RAD18: variants seen among roughly 807,000 people sequenced by gnomAD.
The protein encoded by RAD18 is E3 ubiquitin-protein ligase RAD18.
In RAD18, 47 loss-of-function variants were observed where a neutral mutation model predicts 60.4. The observed-to-expected ratio is 0.78, with a 90% confidence interval of 0.62 to 0.99. The LOEUF is 0.99. Among genes scored for constraint, RAD18 ranks in the 50% least tolerant of loss-of-function variants. RAD18 has a pLI of 0.00. For synonymous variants in RAD18, 225 were observed against 195.5 expected (o/e 1.15, Z -1.26); for missense variants, 640 against 593.3 (o/e 1.08, Z -0.82).
intron 4 of RAD18, among the ~76,000 whole-genome samples, chr3:8,945,705 C>T (rs1386124402): frequency 6.6e-6 from 1 of 151,858 alleles, no homozygotes; most frequent in African/African-American, 2.4e-5. Context: ...CTCCTGACCT[C>T]GTGATCCACC....
intron 7 of RAD18, among the ~76,000 whole-genome samples, chr3:8,927,938 A>G (rs1940472268): frequency 6.6e-6 from 1 of 151,850 alleles, no homozygotes; most frequent in African/African-American, 2.4e-5. Flanking sequence ...GAGGGATAGC[A>G]TTAGGAGATA....
At chr3:8,920,278 C>CAAAAA (rs60504682) in intron 7 of RAD18, among the ~76,000 whole-genome samples, 47 of 69,932 alleles carry the variant, frequency 6.7e-4, no homozygotes, top group African/African-American at 1.7e-3. Flanking sequence ...GACTCCGTCT[C>CAAAAA]AAAAAAAAAA....
Position 8,880,735 on chromosome 3 carries a change from G to A in RAD18, c.*622C>T, listed in dbSNP as rs1250431629. On this transcript the variant is annotated 3_prime_UTR_variant, in exon 13 of 13. Transcript: ENST00000264926. ...TGTTTCTAAGTTATTGTGACTTTGT[G>A]ACTGTCGTAGCTTTAAATTATAATA... 6.6e-6 allele frequency: 1 copy of A among 152,178 alleles called. No homozygotes were observed. The highest frequency in any genetic ancestry group is 1.5e-5 in the Non-Finnish European group (1 of 68,048). 9.4% of individuals were successfully genotyped at this position (152,178 alleles called of 1,614,324 possible).
intron 7 of RAD18, among the ~76,000 whole-genome samples, chr3:8,922,489 G>T (rs1412739761): frequency 6.6e-6 from 1 of 152,234 alleles, no homozygotes; most frequent in Non-Finnish European, 1.5e-5. Flanking sequence ...CACCTCTGGG[G>T]GCAGGGCATA....
chr3:8,904,447 A>G (rs1209470038), intron 9 of RAD18, among the ~76,000 whole-genome samples: 1 of 152,226 alleles, frequency 6.6e-6, no homozygotes, highest in African/African-American at 2.4e-5. Flanking sequence ...TGTATGGTAC[A>G]TGTATGAAAA....
intron 9 of RAD18, among the ~76,000 whole-genome samples, chr3:8,910,279 TAAAC>T (rs1446234133): frequency 6.6e-6 from 1 of 152,188 alleles, no homozygotes; most frequent in Non-Finnish European, 1.5e-5. Context: ...GGTAAATAGT[TAAAC>T]AAACAAAAGA....
intron 7 of RAD18, among the ~76,000 whole-genome samples, chr3:8,923,278 A>T (rs1940363695): frequency 6.6e-6 from 1 of 152,250 alleles, no homozygotes; most frequent in Non-Finnish European, 1.5e-5. Context: ...CACAAGCCTC[A>T]GTAGCCGATT....
At position 8,951,015 on chromosome 3, in the gene RAD18, T is replaced by C. The variant is rs189681123; in HGVS notation, c.134-2445A>G. Among the ~76,000 whole-genome samples, 5 of 152,078 alleles carry C rather than the reference T, an allele frequency of 3.3e-5. No homozygotes were observed. The East Asian group carries it at 9.7e-4, about 29-fold the overall frequency. On this transcript the variant is annotated intron_variant, in intron 2 of 12. Transcript: ENST00000264926. ...AAAATGGAATAGAATAACCAAGAAC[T>C]GCAGGATGACTACAAAAGATGTAAC...
chr3:8,919,792 G>C (rs1435049608), intron 7 of RAD18, among the ~76,000 whole-genome samples: 1 of 152,170 alleles, frequency 6.6e-6, no homozygotes. Flanking sequence ...GGAAGAGCAA[G>C]AAAAGTCTGC....
At chr3:8,960,909 C>G (rs1044131791) in intron 1 of RAD18, among the ~76,000 whole-genome samples, 2 of 152,048 alleles carry the variant, frequency 1.3e-5, no homozygotes, top group Non-Finnish European at 2.9e-5. Context: ...ATTACATTTA[C>G]AATATGCCAA....
intron 7 of RAD18, among the ~76,000 whole-genome samples, chr3:8,925,664 A>G (rs1343277262): frequency 1.3e-5 from 2 of 152,240 alleles, no homozygotes; most frequent in African/African-American, 4.8e-5. Flanking sequence ...AATCCTCAAT[A>G]AAATATTGGC....
chr3:8,899,706 G>T (rs1003810349), intron 10 of RAD18, among the ~76,000 whole-genome samples: 1 of 152,168 alleles, frequency 6.6e-6, no homozygotes, highest in Non-Finnish European at 1.5e-5. Flanking sequence ...ATATGGGTAT[G>T]GCCAATTTTC....
chr3:8,882,227 G>A (rs1939477332), intron 12 of RAD18, among the ~76,000 whole-genome samples: 1 of 152,168 alleles, frequency 6.6e-6, no homozygotes, highest in Admixed American at 6.5e-5. Flanking sequence ...ACTCCCCCTG[G>A]GGCTCTAGCA....
At chr3:8,902,104 C>T (rs1019750258) in intron 10 of RAD18, among the ~76,000 whole-genome samples, 9 of 152,152 alleles carry the variant, frequency 5.9e-5, no homozygotes, top group Non-Finnish European at 1.0e-4. Context: ...ATCTAGAAAA[C>T]ATCCTGAAGC....
At chr3:8,927,487 T>C (rs1290073082) in intron 7 of RAD18, among the ~76,000 whole-genome samples, 2 of 152,228 alleles carry the variant, frequency 1.3e-5, no homozygotes, top group African/African-American at 2.4e-5. Context: ...TCAACCATTG[T>C]AGAAGTCAGT....
At chr3:8,897,756 C>G (rs1427813941) in intron 11 of RAD18, among the ~76,000 whole-genome samples, 1 of 152,096 alleles carries the variant, frequency 6.6e-6, no homozygotes, top group African/African-American at 2.4e-5. Flanking sequence ...GAGGGCAATG[C>G]CTACATATCA....
intron 11 of RAD18, among the ~76,000 whole-genome samples, chr3:8,895,786 T>C (rs796934476): frequency 3.3e-5 from 5 of 152,342 alleles, no homozygotes; most frequent in African/African-American, 1.2e-4. Flanking sequence ...ATCACTTTCA[T>C]TAGTTTGTTG....
intron 2 of RAD18, among the ~76,000 whole-genome samples, chr3:8,949,659 G>A (rs551497105): frequency 5.3e-5 from 8 of 150,180 alleles, no homozygotes; most frequent in African/African-American, 1.8e-4. Context: ...TGCTCTCCCC[G>A]AACTGGAGAG....
At chr3:8,898,575 A>T (rs537253486) in intron 11 of RAD18, among the ~76,000 whole-genome samples, 28 of 152,182 alleles carry the variant, frequency 1.8e-4, no homozygotes, top group African/African-American at 6.7e-4. Flanking sequence ...GTTTTCCAAT[A>T]TAGTTGTTTT....
Sources: allele counts gnomAD v4.1 joint callset (sites outside exome capture counted in the v4.1 genomes callset), GRCh38; gene constraint gnomAD v4.1.1; transcripts MANE v1.5; gene names NCBI Gene and HGNC (gene_info 2026-07-23, HGNC 2026-07-21).